KHDRBS2: variants seen among roughly 807,000 people sequenced by gnomAD.
The protein encoded by KHDRBS2 is KH RNA binding domain containing, signal transduction associated 2.
A neutral mutation model predicts 44.3 loss-of-function variants in KHDRBS2; 26 were observed. The observed-to-expected ratio is 0.59, with a 90% CI of 0.43 to 0.81. The LOEUF (loss-of-function observed/expected upper bound fraction) is 0.81. Among genes scored for constraint, KHDRBS2 ranks in the 40% least tolerant of loss-of-function variants. The pLI is 0.00. For synonymous variants in KHDRBS2, 194 were observed against 151.1 expected (o/e 1.28, Z -2.08); for missense variants, 476 against 433.1 (o/e 1.10, Z -0.88).
downstream of KHDRBS2, among the ~76,000 whole-genome samples, chr6:61,678,723 A>G (rs1021294131): frequency 2.0e-5 from 3 of 151,958 alleles, no homozygotes; most frequent in African/African-American, 7.2e-5. Context: ...ACTTTATTTC[A>G]AAGAGGACAA....
chr6:61,771,449 G>A (rs905677722), intron 6 of KHDRBS2, among the ~76,000 whole-genome samples: 14 of 152,198 alleles, frequency 9.2e-5, no homozygotes, highest in Admixed American at 2.0e-4. Context: ...CCCATCTCAC[G>A]TGCAGAGACA....
intron 1 of KHDRBS2, among the ~76,000 whole-genome samples, chr6:62,178,853 A>G (rs1317819628): frequency 1.3e-5 from 2 of 151,624 alleles, no homozygotes; most frequent in African/African-American, 4.8e-5. Context: ...TGGATAGAAC[A>G]AAACATTATA....
Position 61,859,910 on chromosome 6 carries a change from A to T in KHDRBS2, c.810+34725T>A, listed in dbSNP as rs1470704540. 3.3e-5 allele frequency among the ~76,000 whole-genome samples: 5 copies of T among 151,990 alleles called. No individual in the cohort carries two copies. In the East Asian group the frequency reaches 9.6e-4, roughly 29 times the overall value. ...TCAAATATCATATTAAAAGAAATAAATTGCAAGAAAGATTTGAGAGATTAT... is the reference window on the plus strand; with the variant it reads ...TCAAATATCATATTAAAAGAAATAATTTGCAAGAAAGATTTGAGAGATTAT... On this transcript the variant is annotated intron_variant, in intron 6 of 8. Transcript: ENST00000281156.
intron 2 of KHDRBS2, among the ~76,000 whole-genome samples, chr6:62,100,722 T>C (rs1213285285): frequency 6.6e-6 from 1 of 152,206 alleles, no homozygotes; most frequent in Non-Finnish European, 1.5e-5. Flanking sequence ...GTACATTTTT[T>C]AGAAATAATA....
intron 8 of KHDRBS2, among the ~76,000 whole-genome samples, chr6:61,688,203 C>A (rs140260943): frequency 0.025 from 3,736 of 151,842 alleles, 73 homozygotes; most frequent in Middle Eastern, 0.082. Context: ...TATCTTATTG[C>A]TATGGAGTTA....
intron 6 of KHDRBS2, among the ~76,000 whole-genome samples, chr6:61,743,566 A>T (rs1274111042): frequency 6.6e-6 from 1 of 152,114 alleles, no homozygotes; most frequent in Non-Finnish European, 1.5e-5. Context: ...AAATGAAAAA[A>T]ATTGGGGTTA....
chr6:61,959,438 T>C (rs146407471), intron 4 of KHDRBS2, among the ~76,000 whole-genome samples: 1 of 152,284 alleles, frequency 6.6e-6, no homozygotes, highest in East Asian at 1.9e-4. Context: ...AGTTCTGAAA[T>C]GTAGTATGTA....
At chr6:61,608,038 A>T in the KHDRBS2 span, among the ~76,000 whole-genome samples, 2 of 151,988 alleles carry the variant, frequency 1.3e-5, no homozygotes, top group Admixed American at 6.6e-5. Flanking sequence ...TGATCTTTAA[A>T]CTCAATGCAA....
intron 4 of KHDRBS2, among the ~76,000 whole-genome samples, chr6:61,963,749 C>T (rs1170460143): frequency 6.6e-6 from 1 of 152,044 alleles, no homozygotes; most frequent in Non-Finnish European, 1.5e-5. Flanking sequence ...ACAAGGGTTT[C>T]TCCTCATCCC....
At chr6:61,850,836 A>G (rs1795305051) in intron 6 of KHDRBS2, among the ~76,000 whole-genome samples, 1 of 152,160 alleles carries the variant, frequency 6.6e-6, no homozygotes, top group Non-Finnish European at 1.5e-5. Context: ...ACAGGACAAC[A>G]CGAGGCCTTT....
At chr6:61,858,769 A>G (rs1392991613) in intron 6 of KHDRBS2, among the ~76,000 whole-genome samples, 1 of 151,958 alleles carries the variant, frequency 6.6e-6, no homozygotes, top group East Asian at 1.9e-4. Context: ...ATATTCAAAG[A>G]TGTATCTTCT....
chr6:61,611,570 A>T, the KHDRBS2 span, among the ~76,000 whole-genome samples: 89,625 of 151,810 alleles, frequency 0.59, 26,647 homozygotes, highest in Non-Finnish European at 0.61. Context: ...AGAAGTAGCA[A>T]TCTAATGTGT....
the KHDRBS2 span, among the ~76,000 whole-genome samples, chr6:61,627,054 C>A: frequency 2.0e-5 from 3 of 151,600 alleles, no homozygotes; most frequent in Non-Finnish European, 4.4e-5. Flanking sequence ...GAGATCGAGA[C>A]CATCCTGGCT....
At chr6:61,916,718 A>G (rs1459364759) in intron 4 of KHDRBS2, among the ~76,000 whole-genome samples, 1 of 151,974 alleles carries the variant, frequency 6.6e-6, no homozygotes, top group Non-Finnish European at 1.5e-5. Flanking sequence ...AAGTGAGCAG[A>G]TCTCAACATA....
At chr6:61,720,514 T>C (rs1482206615) in intron 7 of KHDRBS2, among the ~76,000 whole-genome samples, 1 of 152,204 alleles carries the variant, frequency 6.6e-6, no homozygotes, top group Non-Finnish European at 1.5e-5. Context: ...TGATTTGCAT[T>C]TCTCTGATGG....
chr6:62,046,760 T>C (rs1226114009), intron 3 of KHDRBS2, among the ~76,000 whole-genome samples: 2 of 151,830 alleles, frequency 1.3e-5, no homozygotes, highest in Non-Finnish European at 2.9e-5. Flanking sequence ...TCAGAGAATC[T>C]AGAGGCAGGA....
At chr6:61,709,806 C>A (rs578245527) in intron 7 of KHDRBS2, among the ~76,000 whole-genome samples, 2 of 151,556 alleles carry the variant, frequency 1.3e-5, no homozygotes, top group East Asian at 3.9e-4. Flanking sequence ...GCTATTGAAC[C>A]CTAGTTTGAA....
the KHDRBS2 span, among the ~76,000 whole-genome samples, chr6:61,604,657 T>C: frequency 1.3e-5 from 2 of 151,934 alleles, no homozygotes; most frequent in African/African-American, 4.8e-5. Flanking sequence ...CTACTACTCT[T>C]CAGGGATTGT....
At chr6:61,988,613 A>G (rs1373858882) in intron 3 of KHDRBS2, among the ~76,000 whole-genome samples, 7 of 152,188 alleles carry the variant, frequency 4.6e-5, no homozygotes, top group Middle Eastern at 3.2e-3. Context: ...CTGGACTCGC[A>G]GAGGAAGTGC....
Sources: gnomAD v4.1 joint callset for allele counts (sites outside exome capture counted in the v4.1 genomes callset) on GRCh38, gnomAD v4.1.1 for gene constraint, MANE v1.5 for transcripts, NCBI Gene and HGNC (gene_info 2026-07-23, HGNC 2026-07-21) for gene names.